Variants in ENOX1 observed in about 807,000 individuals in gnomAD.
ENOX1 encodes ecto-NOX disulfide-thiol exchanger 1.
Under a neutral mutation model 82.5 loss-of-function variants are expected in ENOX1, and 42 were observed. That is an observed-to-expected ratio of 0.51 (90% confidence interval 0.40 to 0.66). The LOEUF (loss-of-function observed/expected upper bound fraction) is 0.66. Among genes scored for constraint, ENOX1 ranks in the 30% least tolerant of loss-of-function variants. The probability of loss-of-function intolerance (pLI) is 0.00; values close to 1 mark genes in which losing one functional copy is unlikely to be tolerated. For missense variants in ENOX1, 608 were observed against 811.6 expected, an observed-to-expected ratio of 0.75 and a Z score of 3.05; for synonymous variants, 271 against 282.2, an observed-to-expected ratio of 0.96 and a Z score of 0.40.
At chr13:43,668,443 A>G (rs1461962320) in intron 1 of ENOX1, among the ~76,000 whole-genome samples, 1 of 152,212 alleles carries the variant, frequency 6.6e-6, no homozygotes, top group Non-Finnish European at 1.5e-5. Flanking sequence ...CTGGAAACAA[A>G]TATTCTACTA....
chr13:43,347,195 T>C (rs2049445884), intron 8 of ENOX1, among the ~76,000 whole-genome samples: 1 of 152,186 alleles, frequency 6.6e-6, no homozygotes, highest in South Asian at 2.1e-4. Context: ...CCTTCACACC[T>C]AGACCTAGAG....
intron 1 of ENOX1, among the ~76,000 whole-genome samples, chr13:43,780,546 A>C (rs1390413399): frequency 6.6e-6 from 1 of 152,242 alleles, no homozygotes; most frequent in Non-Finnish European, 1.5e-5. Flanking sequence ...AGAAAGGTAA[A>C]GGGCACTCAC....
At chr13:43,263,695 A>C (rs552386217) in intron 14 of ENOX1, among the ~76,000 whole-genome samples, 1 of 152,382 alleles carries the variant, frequency 6.6e-6, no homozygotes, top group South Asian at 2.1e-4. Context: ...TTCTCACAAT[A>C]AGCCTTAAGG....
Position 43,231,337 on chromosome 13 carries a change from G to C in ENOX1, c.1714+5299C>G, listed in dbSNP as rs865867631. Among the ~76,000 whole-genome samples, 3 of 152,338 alleles carry C rather than the reference G, an allele frequency of 2.0e-5. 1 individual carries two copies. In the Middle Eastern group the frequency reaches 0.01, roughly 518 times the overall value. On this transcript the variant is annotated intron_variant, in intron 15 of 16. Coordinates refer to ENST00000690772, the MANE Select transcript of ENOX1 (RefSeq NM_001347969.2). Reference sequence around the variant, plus strand: ...AGTTGTCTGTGGGCAGCTGCAGAGTGATGAAGCGTATATGGGAAGTGGAGA... The same window carrying C: ...AGTTGTCTGTGGGCAGCTGCAGAGTCATGAAGCGTATATGGGAAGTGGAGA...
At chr13:43,561,923 A>G (rs2079690400) in intron 2 of ENOX1, among the ~76,000 whole-genome samples, 1 of 149,218 alleles carries the variant, frequency 6.7e-6, no homozygotes, top group African/African-American at 2.4e-5. Flanking sequence ...AAGCCATAAT[A>G]ACACCGCTGC....
intron 1 of ENOX1, among the ~76,000 whole-genome samples, chr13:43,669,233 C>T (rs1449571559): frequency 6.6e-6 from 1 of 152,202 alleles, no homozygotes; most frequent in Non-Finnish European, 1.5e-5. Flanking sequence ...ATGTCTTCAG[C>T]AAGGGACACT....
At chr13:43,504,074 A>C (rs1473716908) in intron 2 of ENOX1, among the ~76,000 whole-genome samples, 1 of 151,840 alleles carries the variant, frequency 6.6e-6, no homozygotes, top group Non-Finnish European at 1.5e-5. Context: ...ATACAGGTAT[A>C]TGAAAACATA....
intron 1 of ENOX1, among the ~76,000 whole-genome samples, chr13:43,705,342 A>G (rs2087198775): frequency 2.3e-5 from 1 of 42,874 alleles, no homozygotes; most frequent in African/African-American, 9.1e-5. Context: ...ATATATATAT[A>G]TATTTGTAAT....
chr13:43,560,799 G>T (rs1347628211), intron 2 of ENOX1, among the ~76,000 whole-genome samples: 1 of 152,196 alleles, frequency 6.6e-6, no homozygotes, highest in East Asian at 1.9e-4. Flanking sequence ...TTGTTCAGGT[G>T]TCATGCTTAT....
chr13:43,462,154 A>C (rs1341404710), intron 3 of ENOX1, among the ~76,000 whole-genome samples: 1 of 152,180 alleles, frequency 6.6e-6, no homozygotes, highest in African/African-American at 2.4e-5. Flanking sequence ...TGAAGAAATA[A>C]ATTTAGAACA....
chr13:43,579,831 T>C (rs2080622809), intron 2 of ENOX1, among the ~76,000 whole-genome samples: 1 of 152,182 alleles, frequency 6.6e-6, no homozygotes, highest in Admixed American at 6.5e-5. Flanking sequence ...CTTAAATTTA[T>C]CCAAACTCAA....
At chr13:43,445,314 G>GA (rs1356965141) in intron 3 of ENOX1, among the ~76,000 whole-genome samples, 61 of 152,046 alleles carry the variant, frequency 4.0e-4, no homozygotes, top group African/African-American at 1.4e-3. Flanking sequence ...TAGTAGAGAT[G>GA]GGGTTTCACC....
chr13:43,408,295 T>G (rs1171284758), intron 5 of ENOX1, among the ~76,000 whole-genome samples: 1 of 152,210 alleles, frequency 6.6e-6, no homozygotes, highest in Admixed American at 6.5e-5. Flanking sequence ...ACTGATAATT[T>G]TAATCTCTCA....
At chr13:43,318,569 A>C (rs1347728497) in intron 11 of ENOX1, among the ~76,000 whole-genome samples, 4 of 152,210 alleles carry the variant, frequency 2.6e-5, no homozygotes, top group Non-Finnish European at 5.9e-5. Flanking sequence ...CCTCTTTAAT[A>C]CTTGCCATTT....
chr13:43,231,447 A>G (rs2153456270), intron 15 of ENOX1, among the ~76,000 whole-genome samples: 1 of 152,346 alleles, frequency 6.6e-6, no homozygotes, highest in Non-Finnish European at 1.5e-5. Flanking sequence ...TTAATTTTCC[A>G]AAAAAGTTTA....
intron 3 of ENOX1, among the ~76,000 whole-genome samples, chr13:43,431,273 T>C (rs1391114002): frequency 6.6e-6 from 1 of 152,272 alleles, no homozygotes; most frequent in Admixed American, 6.5e-5. Flanking sequence ...CTCTTGGAGC[T>C]CCCGCAACAC....
At chr13:43,724,546 A>C (rs574101122) in intron 1 of ENOX1, among the ~76,000 whole-genome samples, 118 of 152,300 alleles carry the variant, frequency 7.7e-4, no homozygotes, top group Admixed American at 1.4e-3. Flanking sequence ...GGACCATTTT[A>C]CTCATTTGCG....
chr13:43,662,281 T>C (rs1466242829), intron 2 of ENOX1, among the ~76,000 whole-genome samples: 2 of 152,146 alleles, frequency 1.3e-5, no homozygotes, highest in Non-Finnish European at 2.9e-5. Context: ...GTTTCATAAA[T>C]ATATTTCTGA....
At chr13:43,416,020 C>T (rs2054478393) in intron 3 of ENOX1, among the ~76,000 whole-genome samples, 1 of 148,040 alleles carries the variant, frequency 6.8e-6, no homozygotes, top group African/African-American at 2.5e-5. Flanking sequence ...GACGGGGCAG[C>T]CGGGCAGAGG....
Sources: gnomAD v4.1 joint callset for allele counts (sites outside exome capture counted in the v4.1 genomes callset) on GRCh38, gnomAD v4.1.1 for gene constraint, MANE v1.5 for transcripts, NCBI Gene and HGNC (gene_info 2026-07-23, HGNC 2026-07-21) for gene names.